The following CORO2B variants were observed in gnomAD, a reference collection of about 807,000 sequenced individuals.
CORO2B encodes coronin 2B, also known as coronin-2B.
CORO2B carries 26 observed loss-of-function variants against 58.8 expected under a neutral mutation model. The ratio of observed to expected loss-of-function variants is 0.44; its 90% CI spans 0.32 to 0.61. CORO2B has a LOEUF of 0.61. Among genes scored for constraint, CORO2B ranks in the 20% least tolerant of loss-of-function variants. CORO2B has a pLI of 0.04. For missense variants in CORO2B, 460 were observed against 645.1 expected (o/e 0.71, Z 3.11); for synonymous variants, 242 against 253.8 (o/e 0.95, Z 0.44).
At position 68,647,704 on chromosome 15, in the gene CORO2B, A is replaced by G. The variant is rs531391096; in HGVS notation, c.216+2344A>G. Among the ~76,000 whole-genome samples the G allele has an allele frequency of 8.0e-4, 114 of 141,696 alleles. 2 individuals are homozygous for G. The highest frequency in any genetic ancestry group is 3.1e-3 in the African/African-American group (112 of 35,664). 93.0% of individuals were successfully genotyped at this position (141,696 alleles called of 152,430 possible). ...AACTCCATCTCAAAAAAAAAAAAAG[A>G]AAGAAAGAAAGAAGGGACTGGGGCC... On this transcript the variant is annotated intron_variant, in intron 2 of 11. Transcript: ENST00000261861.
chr15:68,662,740 T>C (rs1304675229), intron 2 of CORO2B, among the ~76,000 whole-genome samples: 1 of 152,248 alleles, frequency 6.6e-6, no homozygotes, highest in Non-Finnish European at 1.5e-5. Flanking sequence ...TATGACTTAA[T>C]ACTGTGTCAT....
rs1012413743 is a variant in CORO2B, at chr15:68,614,113, C to T, written c.16-31047C>T. Reference sequence around the variant, plus strand: ...TTCTTGGGTTCTCACACAGACCTCCCGAATCAGAATCTCTGGGAGTGGTCC... The same window carrying T: ...TTCTTGGGTTCTCACACAGACCTCCTGAATCAGAATCTCTGGGAGTGGTCC... On this transcript the variant is annotated intron_variant, in intron 1 of 11. Transcript: ENST00000261861. 3.9e-5 allele frequency among the ~76,000 whole-genome samples: 6 copies of T among 152,160 alleles called. No individual in the cohort carries two copies. In the East Asian group the frequency reaches 5.8e-4, roughly 15 times the overall value.
intron 2 of CORO2B, among the ~76,000 whole-genome samples, chr15:68,648,141 T>C (rs1445268528): frequency 6.7e-6 from 1 of 148,176 alleles, no homozygotes; most frequent in Non-Finnish European, 1.5e-5. Context: ...GAAACCAGCC[T>C]GACCAATATG....
At chr15:68,598,058 C>A (rs1222301259) in intron 1 of CORO2B, among the ~76,000 whole-genome samples, 2 of 152,234 alleles carry the variant, frequency 1.3e-5, no homozygotes, top group African/African-American at 4.8e-5. Context: ...GATTTCTCCA[C>A]CTTTTCTTCA....
the CORO2B span, among the ~76,000 whole-genome samples, chr15:68,530,408 C>G: frequency 4.6e-5 from 7 of 152,170 alleles, no homozygotes; most frequent in South Asian, 2.1e-4. Context: ...TTAATACATG[C>G]TCCATGTATA....
At chr15:68,534,597 G>C in the CORO2B span, among the ~76,000 whole-genome samples, 1 of 152,178 alleles carries the variant, frequency 6.6e-6, no homozygotes, top group Non-Finnish European at 1.5e-5. Context: ...ATTAAAGACT[G>C]CTAACTTACC....
In CORO2B at chr15:68,725,879, C is replaced by T; in HGVS notation, c.1348C>T (p.Arg450Ter). 1 of 1,613,958 alleles carries T rather than the reference C, an allele frequency of 6.2e-7. No homozygotes were observed. The highest frequency in any genetic ancestry group is 8.5e-7 in the Non-Finnish European group (1 of 1,180,012). ...RMFFRQQDEIRRLKEELAQKD... is the reference protein window; with the variant it reads ...RMFFRQQDEI ...GTTCTTCCGGCAGCAGGATGAGATTCGACGGTTGAAAGAGGAGCTGGCCCA... is the reference window on the plus strand; with the variant it reads ...GTTCTTCCGGCAGCAGGATGAGATTTGACGGTTGAAAGAGGAGCTGGCCCA... Residue 450 changes from arginine (R) to a stop codon, truncating the protein, a stop_gained, in exon 12 of 12, where the codon CGA becomes TGA. Transcript: ENST00000261861. LOFTEE classifies it high-confidence loss of function.
In CORO2B at chr15:68,645,336, C is replaced by T; in HGVS notation, c.192C>T (p.Ser64=). The change falls in exon 2 of 12, where the codon TCC becomes TCT. Residue 64 remains serine (S), a synonymous_variant. Transcript: ENST00000261861. This position sits in a 1 kb window ranked among gnomAD's most constrained non-coding sequence, Gnocchi z 4.5. ...TCACCGAGAGCGCAGGGGGCGGCTC[C>T]TTCCTCGTCATCCCCCTGGAGCAGG... ...AIVTESAGGG[S]FLVIPLEQTG... The T allele has an allele frequency of 1.9e-6, 3 of 1,612,306 alleles. No individual in the cohort carries two copies. The highest frequency in any genetic ancestry group is 2.5e-6 in the Non-Finnish European group (3 of 1,180,010).
Position 68,711,522 on chromosome 15 carries a change from C to G in CORO2B, c.484-20C>G, listed in dbSNP as rs891700529. The G allele has an allele frequency of 4.4e-6, 7 of 1,604,422 alleles. No homozygotes were observed. Among genetic ancestry groups the G allele is most frequent in the Non-Finnish European group, 6.0e-6 (7 of 1,174,044 alleles). The stretch of plus-strand genomic sequence containing the variant: ...CCCTAGCAGCCACTGACCCTGCCTC[C>G]CATGCATCTGCCCTCGCAGGTCCTC... On this transcript the variant is annotated intron_variant, in intron 4 of 11. Coordinates refer to ENST00000261861, the MANE Select transcript of CORO2B (RefSeq NM_006091.5).
At chr15:68,662,514 A>G (rs1384959792) in intron 2 of CORO2B, among the ~76,000 whole-genome samples, 1 of 152,250 alleles carries the variant, frequency 6.6e-6, no homozygotes, top group Non-Finnish European at 1.5e-5. Flanking sequence ...CTATTGCACT[A>G]AACACGATGA....
the CORO2B span, among the ~76,000 whole-genome samples, chr15:68,539,193 G>A: frequency 1.3e-5 from 2 of 152,154 alleles, no homozygotes; most frequent in African/African-American, 4.8e-5. Flanking sequence ...AGAACAGTGA[G>A]GGAAAATCCC....
At chr15:68,636,396 C>T (rs547751281) in intron 1 of CORO2B, among the ~76,000 whole-genome samples, 2 of 152,300 alleles carry the variant, frequency 1.3e-5, no homozygotes, top group Non-Finnish European at 2.9e-5. Context: ...TAGAATAGAC[C>T]GTGTCTCTGG....
intron 3 of CORO2B, among the ~76,000 whole-genome samples, chr15:68,695,514 A>G (rs1892489567): frequency 6.6e-6 from 1 of 152,164 alleles, no homozygotes; most frequent in Non-Finnish European, 1.5e-5. Flanking sequence ...TGAGAATTAG[A>G]ATTTAAAAAT....
intron 3 of CORO2B, among the ~76,000 whole-genome samples, chr15:68,706,983 C>G (rs868020638): frequency 8.5e-5 from 13 of 152,188 alleles, no homozygotes; most frequent in Middle Eastern, 3.4e-3. Flanking sequence ...TTTTTTGAGA[C>G]AGAGACTCAC....
upstream of CORO2B, among the ~76,000 whole-genome samples, chr15:68,574,557 C>T (rs66907150): frequency 0.039 from 5,891 of 152,208 alleles, 167 homozygotes; most frequent in Middle Eastern, 0.078. Context: ...AGCCTCACAC[C>T]GAGAGGTCCT....
rs372018623 is a variant in CORO2B, at chr15:68,716,311, C to T, written c.967+1000C>T. Among the ~76,000 whole-genome samples, 8 of 152,352 alleles carry T rather than the reference C, an allele frequency of 5.3e-5. No individual in the cohort carries two copies. In the South Asian group the frequency reaches 8.3e-4, roughly 16 times the overall value. On this transcript the variant is annotated intron_variant, in intron 8 of 11. Transcript: ENST00000261861. Reference sequence around the variant, plus strand: ...TAATCCCTCTAAGTCTCAGTTTCCTCATCTGTAAAATGTGGATAATCAAAC... The same window carrying T: ...TAATCCCTCTAAGTCTCAGTTTCCTTATCTGTAAAATGTGGATAATCAAAC...
At chr15:68,680,951 C>T (rs967717067) in intron 2 of CORO2B, among the ~76,000 whole-genome samples, 3 of 152,168 alleles carry the variant, frequency 2.0e-5, no homozygotes, top group East Asian at 1.9e-4. Flanking sequence ...CGGTGGCTCA[C>T]GCCTGTAATA....
the CORO2B span, among the ~76,000 whole-genome samples, chr15:68,540,148 C>T: frequency 2.6e-3 from 389 of 152,332 alleles, no homozygotes; most frequent in African/African-American, 8.9e-3. Context: ...CAACCTTGCA[C>T]TTTAAATGGA....
At chr15:68,632,902 T>C (rs1436227635) in intron 1 of CORO2B, among the ~76,000 whole-genome samples, 2 of 152,148 alleles carry the variant, frequency 1.3e-5, no homozygotes, top group South Asian at 2.1e-4. Flanking sequence ...AATAAATGGA[T>C]GTGAGTTAGG....
Sources: allele counts gnomAD v4.1 joint callset (sites outside exome capture counted in the v4.1 genomes callset), GRCh38; gene constraint gnomAD v4.1.1; non-coding constraint Gnocchi (gnomAD v3.1); transcripts MANE v1.5; gene names NCBI Gene and HGNC (gene_info 2026-07-23, HGNC 2026-07-21).